Variants in CLSTN2 observed in about 807,000 individuals in gnomAD.
CLSTN2 encodes calsyntenin-2.
In CLSTN2, 48 loss-of-function variants were observed where a neutral mutation model predicts 101.2. That is an observed-to-expected ratio of 0.47 (90% confidence interval 0.38 to 0.60). The LOEUF (loss-of-function observed/expected upper bound fraction) is 0.60. Ranked by LOEUF, CLSTN2 falls within the 20% of genes least tolerant of loss-of-function variation. The probability of loss-of-function intolerance (pLI) is 0.00; values close to 1 mark genes in which losing one functional copy is unlikely to be tolerated. For synonymous variants in CLSTN2, 481 were observed against 463.6 expected (o/e 1.04, Z -0.48); for missense variants, 1,160 against 1,238.2 (o/e 0.94, Z 0.95).
rs764641824 is a variant in CLSTN2 at position 140,403,594 on chromosome 3, A to G, written c.233-35A>G. ...CACTGTCTTCAGTCTGGCAATTCTC[A>G]GGATTCCCACTCACTGTTTTCCATC... is the stretch of plus-strand genomic sequence containing the variant. On this transcript the variant is annotated intron_variant, in intron 2 of 16. Transcript: ENST00000458420. 5.8e-6 allele frequency: 9 copies of G among 1,543,006 alleles called. No individual in the cohort carries two copies. The East Asian group carries it at 2.0e-4, about 35-fold the overall frequency.
intron 1 of CLSTN2, among the ~76,000 whole-genome samples, chr3:139,982,014 T>C (rs1250157917): frequency 6.6e-6 from 1 of 152,138 alleles, no homozygotes; most frequent in African/African-American, 2.4e-5. Context: ...CTTTCCTCTA[T>C]TGGCAGAGCA....
intron 1 of CLSTN2, among the ~76,000 whole-genome samples, chr3:139,955,928 G>A (rs546688785): frequency 1.3e-5 from 2 of 152,190 alleles, no homozygotes; most frequent in Non-Finnish European, 2.9e-5. Context: ...TGCAGTGACA[G>A]GGGGTGGTAG....
At chr3:140,542,993 C>T (rs1280138966) in intron 9 of CLSTN2, among the ~76,000 whole-genome samples, 1 of 152,162 alleles carries the variant, frequency 6.6e-6, no homozygotes, top group Non-Finnish European at 1.5e-5. Flanking sequence ...GGCTTTTGGT[C>T]ACCTACTTCC....
At chr3:140,456,519 C>T (rs1017454642) in intron 6 of CLSTN2, among the ~76,000 whole-genome samples, 4 of 152,152 alleles carry the variant, frequency 2.6e-5, no homozygotes, top group African/African-American at 4.8e-5. Context: ...ATAGGCCAGG[C>T]GTAGTGCTCG....
chr3:140,420,291 C>CAA (rs777798328), intron 4 of CLSTN2, among the ~76,000 whole-genome samples: 3 of 134,398 alleles, frequency 2.2e-5, no homozygotes, highest in East Asian at 2.2e-4. Context: ...ACTCTGCCGC[C>CAA]AAAAAAAAAA....
intron 8 of CLSTN2, among the ~76,000 whole-genome samples, chr3:140,478,791 G>C (rs1305797767): frequency 6.9e-6 from 1 of 144,850 alleles, no homozygotes; most frequent in African/African-American, 2.6e-5. Flanking sequence ...GAAGGGAAGG[G>C]AAGGGAAGAA....
intron 8 of CLSTN2, among the ~76,000 whole-genome samples, chr3:140,484,336 G>A (rs1197758335): frequency 6.6e-6 from 1 of 152,218 alleles, no homozygotes; most frequent in African/African-American, 2.4e-5. Flanking sequence ...GAGATCAGCT[G>A]TTAGTCTGAT....
At chr3:139,988,678 G>C (rs953668163) in intron 1 of CLSTN2, among the ~76,000 whole-genome samples, 74 of 152,158 alleles carry the variant, frequency 4.9e-4, no homozygotes, top group African/African-American at 1.2e-3. Context: ...AGGTGGTACC[G>C]TGGTGGGGAG....
intron 8 of CLSTN2, among the ~76,000 whole-genome samples, chr3:140,519,196 G>T (rs192381271): frequency 6.6e-6 from 1 of 152,278 alleles, no homozygotes; most frequent in Admixed American, 6.5e-5. Flanking sequence ...CTGAGAGACC[G>T]TTTGCTATGA....
rs2087951101 is a variant in CLSTN2, at chr3:140,379,079, A to G, written c.233-24550A>G. On this transcript the variant is annotated intron_variant, in intron 2 of 16. Transcript: ENST00000458420. ...CCCCTGCAGTAGCACATTCTGCTCC[A>G]TTCCAATCTTGTTGTCTGGCAAGAA... Among the ~76,000 whole-genome samples, 4 of 152,220 alleles carry G rather than the reference A, an allele frequency of 2.6e-5. No individual in the cohort carries two copies. In the South Asian group the frequency reaches 8.3e-4, roughly 32 times the overall value.
At chr3:140,066,187 A>G (rs2008295902) in intron 1 of CLSTN2, among the ~76,000 whole-genome samples, 1 of 152,210 alleles carries the variant, frequency 6.6e-6, no homozygotes, top group East Asian at 1.9e-4. Flanking sequence ...AAATGCAGAC[A>G]GAATATTTTG....
intron 8 of CLSTN2, among the ~76,000 whole-genome samples, chr3:140,490,009 T>TATATATATATACACAC (rs1559884815): frequency 0.024 from 7 of 290 alleles, 3 homozygotes; most frequent in Non-Finnish European, 0.034. Context: ...AAAAAAGAAG[T>TATATATATATACACAC]ACATGTGTGT....
At chr3:140,063,018 C>T (rs1177094496) in intron 1 of CLSTN2, among the ~76,000 whole-genome samples, 2 of 152,130 alleles carry the variant, frequency 1.3e-5, no homozygotes, top group Non-Finnish European at 1.5e-5. Flanking sequence ...GCTTCCTTCA[C>T]ACATTAAGTG....
At chr3:140,404,064 G>A (rs1189115229) in intron 3 of CLSTN2, among the ~76,000 whole-genome samples, 1 of 152,204 alleles carries the variant, frequency 6.6e-6, no homozygotes, top group Non-Finnish European at 1.5e-5. Flanking sequence ...TCAGGTCTGA[G>A]TTTAGGTGTC....
chr3:139,943,934 G>A (rs1468325605), intron 1 of CLSTN2, among the ~76,000 whole-genome samples: 1 of 152,134 alleles, frequency 6.6e-6, no homozygotes, highest in Non-Finnish European at 1.5e-5. Context: ...AACCTGTCCA[G>A]GGAAGCCCCA....
chr3:140,534,165 C>T (rs376869880), intron 9 of CLSTN2, among the ~76,000 whole-genome samples: 15 of 152,220 alleles, frequency 9.9e-5, no homozygotes, highest in African/African-American at 3.6e-4. Flanking sequence ...GAGAAATGTT[C>T]CCCTGGTGTG....
intron 1 of CLSTN2, among the ~76,000 whole-genome samples, chr3:140,165,434 G>A (rs1297452898): frequency 6.6e-6 from 1 of 152,180 alleles, no homozygotes; most frequent in Non-Finnish European, 1.5e-5. Context: ...GTGCCTCCCG[G>A]TCAAGGGGCC....
At chr3:140,534,853 T>A (rs1226382045) in intron 9 of CLSTN2, among the ~76,000 whole-genome samples, 1 of 152,194 alleles carries the variant, frequency 6.6e-6, no homozygotes, top group African/African-American at 2.4e-5. Context: ...ACCAGGCCAA[T>A]AGATATTTGT....
chr3:140,330,439 T>C (rs879360838), intron 2 of CLSTN2, among the ~76,000 whole-genome samples: 11 of 152,340 alleles, frequency 7.2e-5, no homozygotes, highest in Admixed American at 3.9e-4. Context: ...AATTTTGATA[T>C]GCATTTTATG....
Sources: gnomAD v4.1 joint callset for allele counts (sites outside exome capture counted in the v4.1 genomes callset) on GRCh38, gnomAD v4.1.1 for gene constraint, MANE v1.5 for transcripts, NCBI Gene and HGNC (gene_info 2026-07-23, HGNC 2026-07-21) for gene names.